The following SLC26A7 variants were observed in gnomAD, a reference collection of about 807,000 sequenced individuals.
SLC26A7 encodes anion exchange transporter.
SLC26A7 carries 59 observed loss-of-function variants against 82.5 expected under a neutral mutation model. The observed-to-expected ratio is 0.72, with a 90% confidence interval of 0.58 to 0.89. SLC26A7 has a LOEUF of 0.89. SLC26A7 is among the 40% of genes least tolerant of loss of function. SLC26A7 has a pLI of 0.00. For synonymous variants in SLC26A7, 271 were observed against 274.3 expected (o/e 0.99, Z 0.12); for missense variants, 820 against 793.0 (o/e 1.03, Z -0.41).
chr8:91,294,525 G>A (rs1237587269), intron 3 of SLC26A7, among the ~76,000 whole-genome samples: 1 of 152,070 alleles, frequency 6.6e-6, no homozygotes, highest in East Asian at 1.9e-4. Context: ...GTGTTGGGTT[G>A]TCTACATGTT....
At chr8:91,248,802 A>G (rs1810584746), upstream of SLC26A7, among the ~76,000 whole-genome samples, 1 of 152,164 alleles carries the variant, frequency 6.6e-6, no homozygotes, top group African/African-American at 2.4e-5. Context: ...CCATCAGAGA[A>G]AACTGAATGA....
At chr8:91,389,634 A>G (rs1313808027) in intron 16 of SLC26A7, among the ~76,000 whole-genome samples, 196 bp downstream of exon 16, 1 of 152,156 alleles carries the variant, frequency 6.6e-6, no homozygotes, top group Admixed American at 6.5e-5. Context: ...TTCTAGTTGT[A>G]TGTATGTGTG....
chr8:91,356,474 G>C (rs1451426915), intron 11 of SLC26A7, among the ~76,000 whole-genome samples: 1 of 152,098 alleles, frequency 6.6e-6, no homozygotes. Flanking sequence ...TTTCTCTGAT[G>C]GCCAGTGATG....
chr8:91,305,614 A>AGCATCAGAG (rs144676533), intron 4 of SLC26A7, among the ~76,000 whole-genome samples: 1,710 of 152,314 alleles, frequency 0.011, 28 homozygotes, highest in African/African-American at 0.039. Flanking sequence ...CATAATGTCT[A>AGCATCAGAG]GCATCAGAGG....
intron 4 of SLC26A7, among the ~76,000 whole-genome samples, chr8:91,306,556 A>C (rs1326379921): frequency 1.3e-5 from 2 of 152,126 alleles, no homozygotes; most frequent in Non-Finnish European, 2.9e-5. Flanking sequence ...TTAGATTTGC[A>C]GAAAAGCACA....
intron 2 of SLC26A7, among the ~76,000 whole-genome samples, chr8:91,230,833 G>A (rs1810301599): frequency 1.3e-5 from 2 of 152,194 alleles, no homozygotes; most frequent in African/African-American, 4.8e-5. Flanking sequence ...GATGAATTAA[G>A]AGGGTATAAT....
At chr8:91,280,711 T>C (rs1347254028) in intron 2 of SLC26A7, among the ~76,000 whole-genome samples, 4 of 152,226 alleles carry the variant, frequency 2.6e-5, no homozygotes, top group Non-Finnish European at 5.9e-5. Context: ...CAATTCCTAT[T>C]GGTTTATTTT....
At chr8:91,253,203 A>T (rs1242416146) in intron 2 of SLC26A7, among the ~76,000 whole-genome samples, 1 of 152,234 alleles carries the variant, frequency 6.6e-6, no homozygotes, top group East Asian at 1.9e-4. Context: ...TGAGTGGAAG[A>T]GGTAGGATTT....
At chr8:91,290,176 G>A (rs1463575815) in intron 3 of SLC26A7, among the ~76,000 whole-genome samples, 3 of 152,048 alleles carry the variant, frequency 2.0e-5, no homozygotes, top group Non-Finnish European at 1.5e-5. Context: ...AATATCTATA[G>A]AGACATTTCT....
At chr8:91,288,840 T>C (rs1811782496) in intron 2 of SLC26A7, among the ~76,000 whole-genome samples, 1 of 152,232 alleles carries the variant, frequency 6.6e-6, no homozygotes, top group Non-Finnish European at 1.5e-5. Context: ...TATTTTACAA[T>C]GTTACTGTCC....
chr8:91,374,573 C>T (rs1383137359), intron 15 of SLC26A7, among the ~76,000 whole-genome samples: 1 of 151,752 alleles, frequency 6.6e-6, no homozygotes, highest in African/African-American at 2.4e-5. Context: ...CACTTTTATC[C>T]CACTGTATTC....
chr8:91,349,105 A>G (rs1160057778), intron 9 of SLC26A7, among the ~76,000 whole-genome samples: 5 of 152,168 alleles, frequency 3.3e-5, no homozygotes, highest in Non-Finnish European at 5.9e-5. Context: ...GGCAGACACT[A>G]TAATATTAAT....
intron 2 of SLC26A7, among the ~76,000 whole-genome samples, chr8:91,274,473 C>T (rs1811353479): frequency 2.0e-5 from 3 of 151,838 alleles, no homozygotes; most frequent in African/African-American, 7.3e-5. Context: ...AAACAGAGAG[C>T]AAGAGAATGA....
At chr8:91,297,844 T>C (rs1812056547) in intron 4 of SLC26A7, among the ~76,000 whole-genome samples, 1 of 152,212 alleles carries the variant, frequency 6.6e-6, no homozygotes, top group Admixed American at 6.5e-5. Flanking sequence ...TATTTGTGTA[T>C]TGTTTTGCTC....
In SLC26A7 at chr8:91,351,801, A is replaced by G. The variant is rs752375117; in HGVS notation, c.1141-9A>G. On this transcript the variant is annotated splice_polypyrimidine_tract_variant and intron_variant, in intron 9 of 18. Transcript: ENST00000276609. The stretch of plus-strand genomic sequence containing the variant: ...TCTTTTTCCTTTTTGTCTGTCTTGT[A>G]TTTTACAGGTGGCTTGTCTAATATC... 2.5e-6 allele frequency: 4 copies of G among 1,600,632 alleles called. No homozygotes were observed. The highest frequency in any genetic ancestry group is 2.2e-5 in the South Asian group (2 of 90,722).
At chr8:91,278,901 C>T (rs1811478852) in intron 2 of SLC26A7, among the ~76,000 whole-genome samples, 1 of 151,724 alleles carries the variant, frequency 6.6e-6, no homozygotes. Flanking sequence ...CTCCAATTCT[C>T]CTCCAAATCC....
At chr8:91,390,760 C>T (rs1385460473) in intron 16 of SLC26A7, among the ~76,000 whole-genome samples, 1 of 152,172 alleles carries the variant, frequency 6.6e-6, no homozygotes, top group Admixed American at 6.5e-5. Flanking sequence ...GAAGCTGCCA[C>T]ATTTTTAATG....
At chr8:91,381,310 A>C (rs1174464278) in intron 15 of SLC26A7, among the ~76,000 whole-genome samples, 1 of 152,164 alleles carries the variant, frequency 6.6e-6, no homozygotes, top group Non-Finnish European at 1.5e-5. Flanking sequence ...TTGAATTACA[A>C]CATATAATAT....
At chr8:91,340,260 A>G (rs1334315378) in intron 7 of SLC26A7, 144 bp from the exon 8 acceptor site, 4 of 978,002 alleles carry the variant, frequency 4.1e-6, no homozygotes, top group Non-Finnish European at 6.0e-6. Flanking sequence ...AAGGGCTTCT[A>G]AGGGCAAGGC....
Sources: gnomAD v4.1 joint callset for allele counts (sites outside exome capture counted in the v4.1 genomes callset) on GRCh38, gnomAD v4.1.1 for gene constraint, MANE v1.5 for transcripts, NCBI Gene and HGNC (gene_info 2026-07-23, HGNC 2026-07-21) for gene names.